The following ERBB4 variants were observed in gnomAD, a reference collection of about 807,000 sequenced individuals.
The protein encoded by ERBB4 is erb-b2 receptor tyrosine kinase 4.
ERBB4 carries 42 observed loss-of-function variants against 158.0 expected under a neutral mutation model. The observed-to-expected ratio is 0.27, with a 90% CI of 0.21 to 0.34. ERBB4 has a LOEUF of 0.34. ERBB4 is among the 10% of genes least tolerant of loss of function. ERBB4 has a pLI of 1.00. For missense variants in ERBB4, 1,333 were observed against 1,624.1 expected, an observed-to-expected ratio of 0.82 and a Z score of 3.08; for synonymous variants, 583 against 558.7, an observed-to-expected ratio of 1.04 and a Z score of -0.61.
chr2:211,502,277 A>C (rs2065636505), intron 20 of ERBB4, among the ~76,000 whole-genome samples: 1 of 152,166 alleles, frequency 6.6e-6, no homozygotes, highest in South Asian at 2.1e-4. Flanking sequence ...TTTGGGAAGA[A>C]GATATCATTT....
chr2:211,532,140 G>A (rs2066516201), intron 20 of ERBB4, among the ~76,000 whole-genome samples: 1 of 131,610 alleles, frequency 7.6e-6, no homozygotes, highest in African/African-American at 2.5e-5. Context: ...ACCAGAGTCT[G>A]GGAAGGGTTG....
chr2:211,520,407 G>T (rs1333808798), intron 20 of ERBB4, among the ~76,000 whole-genome samples: 2 of 152,080 alleles, frequency 1.3e-5, no homozygotes, highest in Non-Finnish European at 2.9e-5. Context: ...TAAAACATGG[G>T]TTGGCAAAAT....
chr2:211,855,610 C>A (rs1006408715), intron 3 of ERBB4, among the ~76,000 whole-genome samples: 1 of 152,114 alleles, frequency 6.6e-6, no homozygotes, highest in Admixed American at 6.5e-5. Flanking sequence ...AATACCAATT[C>A]TTTCATAAAG....
rs565798849 is a variant in ERBB4 at position 212,360,989 on chromosome 2, T to C, written c.82+177460A>G. 2.0e-5 allele frequency among the ~76,000 whole-genome samples: 3 copies of C among 151,808 alleles called. No homozygotes were observed. The South Asian group carries it at 6.2e-4, about 31-fold the overall frequency. ...GGAAATTTTTAGTTTAAATTTTTAG[T>C]TTACAGCCAACTCAACATGGATTCT... is the stretch of plus-strand genomic sequence containing the variant. On this transcript the variant is annotated intron_variant, in intron 1 of 27. Transcript: ENST00000342788.
intron 2 of ERBB4, among the ~76,000 whole-genome samples, chr2:212,040,236 A>C (rs114223678): frequency 0.013 from 1,977 of 152,144 alleles, 22 homozygotes; most frequent in Middle Eastern, 0.027. Context: ...TGTACTTTTT[A>C]AGTAGTTTAT....
intron 1 of ERBB4, among the ~76,000 whole-genome samples, chr2:212,494,491 T>C (rs1234269908): frequency 6.6e-6 from 1 of 151,984 alleles, no homozygotes; most frequent in East Asian, 1.9e-4. Flanking sequence ...TCCTAGGGAT[T>C]AGTGACCAAC....
intron 2 of ERBB4, among the ~76,000 whole-genome samples, chr2:212,058,812 T>A (rs888600869): frequency 6.6e-6 from 1 of 152,208 alleles, no homozygotes; most frequent in Non-Finnish European, 1.5e-5. Context: ...GAGCTTTTTA[T>A]GACAAACCCA....
chr2:211,947,571 A>C lies in ERBB4; in HGVS notation c.280T>G (p.Phe94Val). The change falls in exon 3 of 28, where the codon TTT (phenylalanine) becomes GTT (valine). Residue 94 changes from phenylalanine to valine, a missense_variant. Physicochemically the swap from Phe to Val is conservative, Grantham distance 50. Around this residue, in one of 5 missense-constraint regions of ERBB4, gnomAD observed 438 missense variants for 586.9 expected, o/e 0.75. Coordinates refer to ENST00000342788, the MANE Select transcript of ERBB4 (RefSeq NM_005235.3). ...TGYVLVALNQ[F>V]RYLPLENLRI... ...AAATTCTCCAGAGGCAGGTAACGAA[A>C]CTGATTAAGAGCCACTAACACGTAG... The C allele has an allele frequency of 6.2e-7, 1 of 1,613,874 alleles. No individual in the cohort carries two copies. The highest frequency in any genetic ancestry group is 8.5e-7 in the Non-Finnish European group (1 of 1,179,914).
At chr2:212,085,533 G>T (rs899828909) in intron 2 of ERBB4, among the ~76,000 whole-genome samples, 13 of 151,838 alleles carry the variant, frequency 8.6e-5, no homozygotes, top group African/African-American at 3.1e-4. Context: ...CCTGACTGAA[G>T]AGTGGCAAAA....
intron 1 of ERBB4, among the ~76,000 whole-genome samples, chr2:212,333,310 G>A (rs1481096368): frequency 6.6e-6 from 1 of 151,692 alleles, no homozygotes; most frequent in Non-Finnish European, 1.5e-5. Flanking sequence ...AATCCGGGTG[G>A]CCATAACTAA....
chr2:211,580,855 GTATGCATATACA>G (rs2068067917), intron 19 of ERBB4, among the ~76,000 whole-genome samples: 1 of 13,896 alleles, frequency 7.2e-5, no homozygotes, highest in African/African-American at 1.1e-4. Flanking sequence ...TATATATATA[GTATGCATATACA>G]TATATATATA....
chr2:211,847,163 T>A, intron 3 of ERBB4, among the ~76,000 whole-genome samples: 1 of 152,106 alleles, frequency 6.6e-6, no homozygotes, highest in East Asian at 1.9e-4. Context: ...AGTGGCCCAA[T>A]TATGCAGGGA....
Position 211,689,667 on chromosome 2 carries a change from G to A in ERBB4, c.1490-10483C>T, listed in dbSNP as rs73082614. 9.9e-3 allele frequency among the ~76,000 whole-genome samples: 1,501 copies of A among 152,136 alleles called. 21 individuals carry two copies. The highest frequency in any genetic ancestry group is 0.034 in the African/African-American group (1,406 of 41,494). Reference sequence around the variant, plus strand: ...TATAATAGACAAAGTTATAAAAGTAGCAAAGATCAATTATATTTATGAATA... The same window carrying A: ...TATAATAGACAAAGTTATAAAAGTAACAAAGATCAATTATATTTATGAATA... On this transcript the variant is annotated intron_variant, in intron 12 of 27. Coordinates refer to ENST00000342788, the MANE Select transcript of ERBB4 (RefSeq NM_005235.3).
intron 20 of ERBB4, among the ~76,000 whole-genome samples, chr2:211,497,285 T>TA (rs1559227897): frequency 6.6e-6 from 1 of 152,040 alleles, no homozygotes; most frequent in African/African-American, 2.4e-5. Context: ...AAACACGAGT[T>TA]AAAAAAACAA....
chr2:212,051,737 C>T (rs539093942), intron 2 of ERBB4, among the ~76,000 whole-genome samples: 1 of 152,076 alleles, frequency 6.6e-6, no homozygotes, highest in South Asian at 2.1e-4. Flanking sequence ...TTTTGATTTT[C>T]TTTCACTCAT....
intron 1 of ERBB4, among the ~76,000 whole-genome samples, chr2:212,299,116 C>A (rs142173246): frequency 6.6e-6 from 1 of 151,576 alleles, no homozygotes; most frequent in East Asian, 2.0e-4. Context: ...ATTACTGATA[C>A]CATCTCACAG....
intron 3 of ERBB4, among the ~76,000 whole-genome samples, chr2:211,819,704 T>A (rs531395113): frequency 1.3e-5 from 2 of 152,052 alleles, no homozygotes; most frequent in Admixed American, 6.6e-5. Flanking sequence ...GTAAGTGGTA[T>A]GTTTTAATTG....
intron 2 of ERBB4, among the ~76,000 whole-genome samples, chr2:212,116,106 T>C (rs1185414080): frequency 6.6e-6 from 1 of 151,920 alleles, no homozygotes; most frequent in Non-Finnish European, 1.5e-5. Flanking sequence ...AAACATTATA[T>C]AAGGTTAATA....
At chr2:211,811,059 A>T (rs2076742290) in intron 3 of ERBB4, among the ~76,000 whole-genome samples, 1 of 152,046 alleles carries the variant, frequency 6.6e-6, no homozygotes, top group South Asian at 2.1e-4. Context: ...TGTTATTATG[A>T]TGTTAGCTGG....
Sources: allele counts gnomAD v4.1 joint callset (sites outside exome capture counted in the v4.1 genomes callset), GRCh38; gene constraint gnomAD v4.1.1; regional missense constraint gnomAD v4.1.1; transcripts MANE v1.5; gene names NCBI Gene and HGNC (gene_info 2026-07-23, HGNC 2026-07-21).